GALNT16: variants seen among roughly 807,000 people sequenced by gnomAD.
The protein encoded by GALNT16 is polypeptide N-acetylgalactosaminyltransferase 16, also known as UDP-GalNAc:polypeptide N-acetylgalactosaminyltransferase-like protein 1.
Under a neutral mutation model 76.1 loss-of-function variants are expected in GALNT16, and 40 were observed. The ratio of observed to expected loss-of-function variants is 0.53; its 90% CI spans 0.41 to 0.68. The LOEUF (loss-of-function observed/expected upper bound fraction) is 0.68. GALNT16 is among the 30% of genes least tolerant of loss of function. The pLI, the probability that GALNT16 is intolerant of heterozygous loss-of-function variation, is 0.00. For synonymous variants in GALNT16, 276 were observed against 285.2 expected (o/e 0.97, Z 0.32); for missense variants, 621 against 731.9 (o/e 0.85, Z 1.75).
At chr14:69,332,872 T>G (rs1216034865) in intron 7 of GALNT16, among the ~76,000 whole-genome samples, 1 of 150,620 alleles carries the variant, frequency 6.6e-6, no homozygotes, top group East Asian at 2.0e-4. Flanking sequence ...TGACATAGTC[T>G]CCACTGATTT....
chr14:69,291,010 G>C (rs1195380384), intron 1 of GALNT16, among the ~76,000 whole-genome samples: 5 of 152,220 alleles, frequency 3.3e-5, no homozygotes, highest in Non-Finnish European at 5.9e-5. Flanking sequence ...CTTCTTCCAG[G>C]CTGGGTGTGG....
intron 1 of GALNT16, among the ~76,000 whole-genome samples, chr14:69,272,969 C>A (rs1468512171): frequency 6.6e-6 from 1 of 152,182 alleles, no homozygotes; most frequent in Non-Finnish European, 1.5e-5. Flanking sequence ...TGACGCATTT[C>A]TCAGAATGGA....
chr14:69,267,405 GT>G (rs554960512), intron 1 of GALNT16, among the ~76,000 whole-genome samples: 2 of 152,362 alleles, frequency 1.3e-5, no homozygotes, highest in East Asian at 3.9e-4. Context: ...ATTGAGGCAG[GT>G]CTGCCCAGGT....
chr14:69,379,210 G>C, the GALNT16 span, among the ~76,000 whole-genome samples: 5 of 152,282 alleles, frequency 3.3e-5, no homozygotes, highest in East Asian at 9.6e-4. Flanking sequence ...AAAGTGCTGG[G>C]ATTATAGGCG....
chr14:69,381,259 C>T, the GALNT16 span, among the ~76,000 whole-genome samples: 240 of 152,182 alleles, frequency 1.6e-3, 1 homozygote, highest in South Asian at 9.3e-3. Flanking sequence ...GAGTGAGACT[C>T]CATCTCAAAA....
At chr14:69,301,743 C>A (rs1438650805) in intron 1 of GALNT16, among the ~76,000 whole-genome samples, 3 of 152,140 alleles carry the variant, frequency 2.0e-5, no homozygotes, top group Non-Finnish European at 4.4e-5. Context: ...AATCCCAGCA[C>A]TTTGGGAGGC....
At position 69,260,317 on chromosome 14, in the gene GALNT16, C is replaced by A. The variant is rs1046793790; in HGVS notation, c.27C>A (p.Ile9=). MRKIRANA[I]AILTVAWILG... The stretch of plus-strand genomic sequence containing the variant: ...TGAGGAAGATCCGCGCCAATGCCAT[C>A]GCCATCCTGACCGTAGCCTGGATCC... The change falls in exon 1 of 15, where the codon ATC becomes ATA. Residue 9 remains isoleucine, a synonymous_variant. Coordinates refer to ENST00000448469, the MANE Select transcript of GALNT16 (RefSeq NM_001168368.2). 3.1e-6 allele frequency: 5 copies of A among 1,612,886 alleles called. No individual in the cohort carries two copies. The highest frequency in any genetic ancestry group is 1.3e-5 in the African/African-American group (1 of 74,878).
intron 7 of GALNT16, among the ~76,000 whole-genome samples, chr14:69,331,987 A>C (rs775309771): frequency 6.6e-6 from 1 of 152,204 alleles, no homozygotes; most frequent in Non-Finnish European, 1.5e-5. Context: ...GTGTATGGCA[A>C]CTATCAGCCA....
chr14:69,380,568 A>ACAATGT, the GALNT16 span: 1 of 1,605,438 alleles, frequency 6.2e-7, no homozygotes, highest in South Asian at 1.1e-5. Flanking sequence ...CCTGCCGACG[A>ACAATGT]AGGAGCACGT....
At chr14:69,347,822 C>T in intron 13 of GALNT16, 55 bp from the exon 14 acceptor site, 1 of 1,596,398 alleles carries the variant, frequency 6.3e-7, no homozygotes, top group Non-Finnish European at 8.5e-7. Flanking sequence ...ATCTACCCAT[C>T]TCTCCACCCA....
intron 1 of GALNT16, among the ~76,000 whole-genome samples, chr14:69,280,207 T>C (rs1226461411): frequency 6.6e-6 from 1 of 152,056 alleles, no homozygotes; most frequent in Non-Finnish European, 1.5e-5. Context: ...ATTTCCCCTC[T>C]CCCTAGCCCT....
intron 2 of GALNT16, among the ~76,000 whole-genome samples, chr14:69,323,639 G>A (rs1475847286): frequency 1.3e-5 from 2 of 152,146 alleles, no homozygotes; most frequent in Non-Finnish European, 2.9e-5. Context: ...TTCTCAAGGG[G>A]TAGAAGGCAA....
intron 1 of GALNT16, among the ~76,000 whole-genome samples, chr14:69,269,750 T>A (rs575486987): frequency 6.6e-6 from 1 of 150,724 alleles, no homozygotes; most frequent in Non-Finnish European, 1.5e-5. Context: ...GTGTGGTGTG[T>A]GAGATGTGGG....
chr14:69,341,906 G>A (rs758442022), intron 12 of GALNT16, 142 bp downstream of exon 12: 74 of 643,620 alleles, frequency 1.1e-4, no homozygotes, highest in Non-Finnish European at 1.9e-4. Flanking sequence ...TTCACGTGAC[G>A]GCTGTGGGGG....
chr14:69,362,539 C>T, the GALNT16 span, among the ~76,000 whole-genome samples: 4 of 152,350 alleles, frequency 2.6e-5, no homozygotes, highest in East Asian at 1.9e-4. Flanking sequence ...AGAGTTCAGC[C>T]TCACAATAAG....
At chr14:69,299,342 G>T (rs547747812) in intron 1 of GALNT16, among the ~76,000 whole-genome samples, 2 of 152,176 alleles carry the variant, frequency 1.3e-5, no homozygotes, top group African/African-American at 4.8e-5. Context: ...TCAAGTCTCA[G>T]GTTCCTAGGA....
At position 69,322,986 on chromosome 14, in the gene GALNT16, G is replaced by GCA. The variant is rs1345322348; in HGVS notation, c.336-1705_336-1704insAC. On this transcript the variant is annotated intron_variant, in intron 2 of 14. Coordinates refer to ENST00000448469, the MANE Select transcript of GALNT16 (RefSeq NM_001168368.2). The stretch of plus-strand genomic sequence containing the variant: ...TGTGTGTGTGTGTGTGTGTGTGCGC[G>GCA]CGCACGCGCGCACGCATGCACACGT... Among the ~76,000 whole-genome samples, 144 of 28,998 alleles carry GCA rather than the reference G, an allele frequency of 5.0e-3. 8 individuals are homozygous for GCA. Among genetic ancestry groups the GCA allele is most frequent in the African/African-American group, 0.042 (140 of 3,338 alleles). The allele number at this position is 28,998 out of a possible 152,430, so 19.0% of individuals were successfully genotyped here. A position where few individuals can be genotyped will look rare whatever the true frequency, so the allele number is the denominator to read the frequency against.
chr14:69,338,128 T>A (rs1311335669), intron 9 of GALNT16, among the ~76,000 whole-genome samples: 2 of 152,168 alleles, frequency 1.3e-5, no homozygotes, highest in Non-Finnish European at 2.9e-5. Flanking sequence ...AAAGGAGGCA[T>A]GGCTCAAGAG....
intron 1 of GALNT16, among the ~76,000 whole-genome samples, chr14:69,277,141 G>A (rs1302664327): frequency 1.3e-5 from 2 of 152,202 alleles, no homozygotes; most frequent in African/African-American, 4.8e-5. Flanking sequence ...AAATGGGTGT[G>A]TCTTCATGAA....
Sources: allele counts gnomAD v4.1 joint callset (sites outside exome capture counted in the v4.1 genomes callset), GRCh38; gene constraint gnomAD v4.1.1; transcripts MANE v1.5; gene names NCBI Gene and HGNC (gene_info 2026-07-23, HGNC 2026-07-21).